Variants in CLASP2 observed in about 807,000 individuals in gnomAD.
The protein encoded by CLASP2 is cytoplasmic linker associated protein 2.
Under a neutral mutation model 194.4 loss-of-function variants are expected in CLASP2, and 47 were observed. That is an observed-to-expected ratio of 0.24 (90% CI 0.19 to 0.31). The LOEUF (loss-of-function observed/expected upper bound fraction) is 0.31. Among genes scored for constraint, CLASP2 ranks in the 10% least tolerant of loss-of-function variants. CLASP2 has a pLI of 1.00. For synonymous variants in CLASP2, 619 were observed against 633.5 expected (o/e 0.98, Z 0.34); for missense variants, 1,445 against 1,823.6 (o/e 0.79, Z 3.78).
At chr3:33,524,604 T>C (rs1233373173) in intron 34 of CLASP2, among the ~76,000 whole-genome samples, 3 of 152,166 alleles carry the variant, frequency 2.0e-5, no homozygotes, top group Non-Finnish European at 2.9e-5. Context: ...TAAGCCATGA[T>C]TGAGTCACTG....
At chr3:33,558,547 T>C (rs745885704) in intron 29 of CLASP2, 1 of 152,078 alleles carries the variant, frequency 6.6e-6, no homozygotes, top group Non-Finnish European at 1.5e-5. Context: ...TCAGGAGCTA[T>C]TCTTTTACAT....
chr3:33,608,563 A>G lies in CLASP2; in HGVS notation c.1448+4T>C. The stretch of plus-strand genomic sequence containing the variant: ...AGTGGGAGGAAGGAAGAGGGAATGC[A>G]TACCTTTCCAATGAATGAGTCTGCC... On this transcript the variant is annotated splice_donor_region_variant and intron_variant, in intron 14 of 38. Coordinates refer to ENST00000682230, the MANE Select transcript of CLASP2 (RefSeq NM_001365631.1). 1 of 1,608,910 alleles carries G rather than the reference A, an allele frequency of 6.2e-7. No individual in the cohort carries two copies. The highest frequency in any genetic ancestry group is 2.2e-5 in the East Asian group (1 of 44,834).
In CLASP2 at chr3:33,560,816, A is replaced by G. The variant is rs748432610; in HGVS notation, c.2922T>C (p.Asp974=). 10 of 1,613,418 alleles carry G rather than the reference A, an allele frequency of 6.2e-6. No homozygotes were observed. In the Admixed American group the frequency reaches 1.7e-4, roughly 27 times the overall value. ...TATGAAAAAAATATTACCTTGTAAC[A>G]TCAAGGGCTTTCTGAACTTTTGCCT... ...SVQAKVQKAL[D]VTRESFPNDL... Residue 974 remains aspartate, a synonymous_variant, in exon 28 of 39, where the codon GAT becomes GAC. Transcript: ENST00000682230.
intron 6 of CLASP2, among the ~76,000 whole-genome samples, chr3:33,679,374 A>C (rs2089409938): frequency 6.6e-6 from 1 of 152,210 alleles, no homozygotes; most frequent in South Asian, 2.1e-4. Context: ...TGAAAGAAAT[A>C]ACTGATAAGT....
chr3:33,584,326 G>A (rs1237232312), intron 22 of CLASP2, among the ~76,000 whole-genome samples: 1 of 144,964 alleles, frequency 6.9e-6, no homozygotes, highest in Non-Finnish European at 1.5e-5. Context: ...TGCCCAGGCT[G>A]GAGTGCAGTG....
intron 37 of CLASP2, among the ~76,000 whole-genome samples, chr3:33,507,611 A>G (rs1488860401): frequency 6.6e-5 from 10 of 152,250 alleles, no homozygotes. Context: ...CCCCCCAAGT[A>G]GCTGGGACTA....
chr3:33,682,773 AAAAAAC>A (rs747891539), intron 6 of CLASP2, among the ~76,000 whole-genome samples: 89 of 152,278 alleles, frequency 5.8e-4, no homozygotes, highest in Middle Eastern at 3.4e-3. Context: ...TGACTAATTT[AAAAAAC>A]AAAAACAAAA....
At chr3:33,659,182 T>A in intron 7 of CLASP2, 1 of 1,373,566 alleles carries the variant, frequency 7.3e-7, no homozygotes, top group Non-Finnish European at 9.4e-7. Flanking sequence ...AAGTCTGGGG[T>A]CTTGCTGAAA....
intron 1 of CLASP2, among the ~76,000 whole-genome samples, chr3:33,717,562 G>A (rs2093355542): frequency 6.6e-6 from 1 of 152,132 alleles, no homozygotes; most frequent in Non-Finnish European, 1.5e-5. Context: ...GGGTAGCTGG[G>A]ATTACAGGCG....
intron 36 of CLASP2, among the ~76,000 whole-genome samples, chr3:33,513,645 T>C: frequency 6.6e-6 from 1 of 152,240 alleles, no homozygotes; most frequent in East Asian, 1.9e-4. Flanking sequence ...CCCAAGGGTT[T>C]CAATTTCCCT....
At chr3:33,699,308 G>A (rs958663424) in intron 1 of CLASP2, among the ~76,000 whole-genome samples, 1 of 152,070 alleles carries the variant, frequency 6.6e-6, no homozygotes, top group African/African-American at 2.4e-5. Flanking sequence ...GAAATATTTG[G>A]AGGGAAAATG....
chr3:33,605,084 T>A (rs1449373886), intron 16 of CLASP2, among the ~76,000 whole-genome samples: 2 of 152,222 alleles, frequency 1.3e-5, no homozygotes, highest in Non-Finnish European at 2.9e-5. Context: ...TTTAAAAATG[T>A]TACATTAGAG....
At chr3:33,598,115 A>C (rs1381541927) in intron 18 of CLASP2, among the ~76,000 whole-genome samples, 1 of 151,532 alleles carries the variant, frequency 6.6e-6, no homozygotes, top group Non-Finnish European at 1.5e-5. Context: ...CTGGGAGACA[A>C]ACTTTGAAAG....
At chr3:33,683,568 A>G (rs2090154593) in intron 6 of CLASP2, 1 of 152,172 alleles carries the variant, frequency 6.6e-6, no homozygotes, top group Admixed American at 6.5e-5. Flanking sequence ...AGATCGTAAC[A>G]CTGCACTGCA....
intron 14 of CLASP2, among the ~76,000 whole-genome samples, chr3:33,608,036 A>C (rs2074271358): frequency 6.6e-6 from 1 of 152,230 alleles, no homozygotes; most frequent in African/African-American, 2.4e-5. Context: ...ACTTGAAGTT[A>C]ATGAGAAATA....
intron 25 of CLASP2, among the ~76,000 whole-genome samples, chr3:33,571,778 G>A (rs1243150584): frequency 1.3e-5 from 2 of 152,048 alleles, no homozygotes; most frequent in Non-Finnish European, 2.9e-5. Flanking sequence ...ACTCCATCCT[G>A]GGTGACAAAG....
intron 7 of CLASP2, among the ~76,000 whole-genome samples, chr3:33,655,425 C>A (rs1475966951): frequency 6.6e-6 from 1 of 152,096 alleles, no homozygotes; most frequent in Non-Finnish European, 1.5e-5. Context: ...AGGAAGGTAC[C>A]ATAGGGTGGC....
intron 12 of CLASP2, among the ~76,000 whole-genome samples, chr3:33,617,950 TA>T (rs67162827): frequency 0.18 from 22,377 of 124,722 alleles, 1,793 homozygotes; most frequent in Admixed American, 0.22. Context: ...TATATATATA[TA>T]TTTTTTTTTT....
chr3:33,638,251 T>A (rs1281121129), intron 8 of CLASP2, among the ~76,000 whole-genome samples: 1 of 152,158 alleles, frequency 6.6e-6, no homozygotes, highest in African/African-American at 2.4e-5. Flanking sequence ...TTTAAAACTC[T>A]CCGTTGTTTG....
Sources: allele counts gnomAD v4.1 joint callset (sites outside exome capture counted in the v4.1 genomes callset), GRCh38; gene constraint gnomAD v4.1.1; transcripts MANE v1.5; gene names NCBI Gene and HGNC (gene_info 2026-07-23, HGNC 2026-07-21).